The following FLYWCH1 variants were observed in gnomAD, a reference collection of about 807,000 sequenced individuals.
FLYWCH1 encodes the protein FLYWCH-type zinc finger-containing protein 1.
In FLYWCH1, 75 loss-of-function variants were observed where a neutral mutation model predicts 66.4. The observed-to-expected ratio is 1.13, with a 90% confidence interval of 0.94 to 1.37. FLYWCH1 has a LOEUF of 1.37. Among genes scored for constraint, FLYWCH1 ranks in the 40% most tolerant of loss-of-function variants. The probability of loss-of-function intolerance (pLI) is 0.00; values close to 1 mark genes in which losing one functional copy is unlikely to be tolerated. For synonymous variants in FLYWCH1, 595 were observed against 429.9 expected, an observed-to-expected ratio of 1.38 and a Z score of -4.75; for missense variants, 1,334 against 1,001.8, an observed-to-expected ratio of 1.33 and a Z score of -4.48.
intron 2 of FLYWCH1, among the ~76,000 whole-genome samples, chr16:2,914,841 G>A (rs890029542): frequency 9.3e-5 from 14 of 151,078 alleles, no homozygotes; most frequent in African/African-American, 1.5e-4. Context: ...AGGATTCAGC[G>A]GAGGTTGCAG....
In FLYWCH1 at chr16:2,938,412, G is replaced by A; in HGVS notation, c.2006G>A (p.Arg669Lys). 2 of 1,540,024 alleles carry A rather than the reference G, an allele frequency of 1.3e-6. No individual in the cohort carries two copies. Among genetic ancestry groups the A allele is most frequent in the Non-Finnish European group, 1.7e-6 (2 of 1,142,978 alleles). Residue 669 changes from arginine to lysine, a missense_variant, in exon 8 of 10, where the codon AGG (arginine) becomes AAG (lysine). By Grantham distance (26) the Arg-to-Lys change is conservative. Transcript: ENST00000253928. ...GACCTGGCAGGCCTGGAGGCCTTGA[G>A]GCAACGGGAGCGGCTCCCCACCACG... is the stretch of plus-strand genomic sequence containing the variant. ...QPDLAGLEAL[R>K]QRERLPTTAQ... is the part of the protein sequence containing the mutation.
intron 6 of FLYWCH1, chr16:2,936,794 G>C (rs1045904862): frequency 1.7e-5 from 9 of 541,566 alleles, no homozygotes; most frequent in African/African-American, 1.5e-4. Context: ...AACCAGGCAC[G>C]GCGCACCCTG....
At chr16:2,928,547 A>C (rs1466408395) in intron 2 of FLYWCH1, among the ~76,000 whole-genome samples, 3 of 152,138 alleles carry the variant, frequency 2.0e-5, no homozygotes, top group African/African-American at 7.2e-5. Context: ...AATCCATTAA[A>C]CCTTGATTCA....
chr16:2,923,136 C>T (rs1486050737), intron 2 of FLYWCH1: 4 of 390,442 alleles, frequency 1.0e-5, no homozygotes, highest in Admixed American at 3.2e-5. Context: ...TGGCTGTGGA[C>T]GCCTTTCAAC....
At position 2,950,845 on chromosome 16, in the gene FLYWCH1, C is replaced by T. The variant is rs1168452115; in HGVS notation, c.*2118C>T. 1.3e-5 allele frequency: 2 copies of T among 152,284 alleles called. No individual in the cohort carries two copies. Among genetic ancestry groups the T allele is most frequent in the African/African-American group, 2.4e-5 (1 of 41,464 alleles). 9.4% of individuals were successfully genotyped at this position (152,284 alleles called of 1,614,324 possible). A position where few individuals can be genotyped will look rare whatever the true frequency, so the allele number is the denominator to read the frequency against. On this transcript the variant is annotated 3_prime_UTR_variant, in exon 10 of 10. Coordinates refer to ENST00000253928, the MANE Select transcript of FLYWCH1 (RefSeq NM_001308068.2). ...ACGTGAATTTAGATGATGCTGTTGC[C>T]TTGGGTGGCTTCATGGCCACCAACC...
At chr16:2,926,189 G>A (rs1182504897) in intron 2 of FLYWCH1, among the ~76,000 whole-genome samples, 1 of 152,196 alleles carries the variant, frequency 6.6e-6, no homozygotes, top group Non-Finnish European at 1.5e-5. Flanking sequence ...ATCTAACTAT[G>A]CTATTTCAAA....
chr16:2,920,935 G>T (rs572087719), intron 2 of FLYWCH1, among the ~76,000 whole-genome samples: 1 of 146,508 alleles, frequency 6.8e-6, no homozygotes, highest in Non-Finnish European at 1.5e-5. Flanking sequence ...TCTGCCTCCC[G>T]GGTTCAAGCG....
At position 2,949,368 on chromosome 16, in the gene FLYWCH1, C is replaced by G. The variant is rs2071609832; in HGVS notation, c.*641C>G. 1 of 152,600 alleles carries G rather than the reference C, an allele frequency of 6.6e-6. No individual in the cohort carries two copies. Among genetic ancestry groups the G allele is most frequent in the East Asian group, 1.9e-4 (1 of 5,184 alleles). 9.5% of individuals were successfully genotyped at this position (152,600 alleles called of 1,614,324 possible). On this transcript the variant is annotated 3_prime_UTR_variant, in exon 10 of 10. Coordinates refer to ENST00000253928, the MANE Select transcript of FLYWCH1 (RefSeq NM_001308068.2). The stretch of plus-strand genomic sequence containing the variant: ...TGCTCCTTCCAAGTTAAATTAAACC[C>G]CCTCTCCACGATTCCCACGGCAGGC...
chr16:2,934,082 C>G (rs1342866172), intron 6 of FLYWCH1, 103 bp downstream of exon 6: 1 of 1,342,486 alleles, frequency 7.4e-7, no homozygotes, highest in Non-Finnish European at 9.9e-7. Flanking sequence ...ACGTCCTCTT[C>G]CCTTCTTTGA....
At chr16:2,937,057 G>C in intron 6 of FLYWCH1, 64 bp from the exon 7 acceptor site, 1 of 1,247,868 alleles carries the variant, frequency 8.0e-7, no homozygotes, top group Non-Finnish European at 1.0e-6. Flanking sequence ...CTCATCTCGG[G>C]GCCATGCTGA....
intron 2 of FLYWCH1, among the ~76,000 whole-genome samples, chr16:2,915,968 T>G (rs2070154380): frequency 6.6e-6 from 1 of 152,196 alleles, no homozygotes; most frequent in Non-Finnish European, 1.5e-5. Flanking sequence ...GATTATGTAG[T>G]GCAGCAATAG....
In FLYWCH1 at chr16:2,933,419, G is replaced by A. The variant is rs1361477804; in HGVS notation, c.1086G>A (p.Val362=). The A allele has an allele frequency of 2.5e-6, 4 of 1,601,626 alleles. No individual in the cohort carries two copies. Among genetic ancestry groups the A allele is most frequent in the East Asian group, 2.3e-5 (1 of 44,200 alleles). Residue 362 remains valine, a synonymous_variant, in exon 5 of 10, where the codon GTG becomes GTA. Transcript: ENST00000253928. ...QAGQDGPGSQ[V]DTLLRGVDSL... is the part of the protein sequence containing the mutation. The stretch of plus-strand genomic sequence containing the variant: ...GGCAGGACGGCCCTGGGAGCCAAGT[G>A]GACACGCTGCTCCGAGGCGTGGATA...
chr16:2,929,965 C>A lies in FLYWCH1; in HGVS notation c.280C>A (p.Pro94Thr). 6.2e-7 allele frequency: 1 copy of A among 1,612,992 alleles called. No homozygotes were observed. The change falls in exon 3 of 10, where the codon CCA becomes ACA. Residue 94 changes from proline (P) to threonine (T), a missense_variant. Physicochemically the swap from Pro to Thr is conservative, Grantham distance 38 (BLOSUM62 -1). Coordinates refer to ENST00000253928, the MANE Select transcript of FLYWCH1 (RefSeq NM_001308068.2). ...TGAGGAGCAGGGAGGGGTGGTCCAG[C>A]CAGCCCTAGAGATGCCTGAACAGAA... ...PVEEQGGVVQ[P>T]ALEMPEQKCS...
intron 4 of FLYWCH1, 129 bp from the exon 5 acceptor site, chr16:2,933,001 T>C: frequency 1.2e-6 from 1 of 810,764 alleles, no homozygotes; most frequent in Non-Finnish European, 1.9e-6. Context: ...CATATCTGGC[T>C]CAGGAAGCCA....
intron 2 of FLYWCH1, among the ~76,000 whole-genome samples, chr16:2,923,663 G>A (rs111474546): frequency 3.9e-5 from 6 of 152,310 alleles, no homozygotes; most frequent in African/African-American, 1.4e-4. Context: ...TGTTTGTGTT[G>A]CACAGCATAT....
intron 6 of FLYWCH1, chr16:2,935,816 C>G (rs913582395): frequency 6.6e-6 from 1 of 152,624 alleles, no homozygotes; most frequent in African/African-American, 2.4e-5. Context: ...TGTCCTTCAT[C>G]GTGGGGTCAT....
At chr16:2,933,057 C>G in intron 4 of FLYWCH1, 73 bp from the exon 5 acceptor site, 1 of 1,342,156 alleles carries the variant, frequency 7.5e-7, no homozygotes, top group East Asian at 2.4e-5. Flanking sequence ...TCAGCCCCCA[C>G]AGTCTGCAGG....
chr16:2,941,513 G>C (rs975484426), intron 9 of FLYWCH1, among the ~76,000 whole-genome samples: 13 of 152,030 alleles, frequency 8.6e-5, no homozygotes, highest in African/African-American at 2.9e-4. Context: ...CTGGGAGATT[G>C]AGGCTGCAGT....
At chr16:2,936,882 G>GA (rs1331433295) in intron 6 of FLYWCH1, 8 of 646,258 alleles carry the variant, frequency 1.2e-5, no homozygotes, top group Non-Finnish European at 2.3e-5. Flanking sequence ...GGCAAGGTGG[G>GA]ACGCTTGGCC....
Sources: gnomAD v4.1 joint callset for allele counts (sites outside exome capture counted in the v4.1 genomes callset) on GRCh38, gnomAD v4.1.1 for gene constraint, MANE v1.5 for transcripts, NCBI Gene and HGNC (gene_info 2026-07-23, HGNC 2026-07-21) for gene names.